The following PTPRT variants were observed in gnomAD, a reference collection of about 807,000 sequenced individuals.
The protein encoded by PTPRT is receptor-type tyrosine-protein phosphatase T.
A neutral mutation model predicts 176.8 loss-of-function variants in PTPRT; 56 were observed. The ratio of observed to expected loss-of-function variants is 0.32; its 90% confidence interval spans 0.26 to 0.40. The LOEUF (loss-of-function observed/expected upper bound fraction) is 0.40. Among genes scored for constraint, PTPRT ranks in the 10% least tolerant of loss-of-function variants. PTPRT has a pLI of 1.00. For synonymous variants in PTPRT, 783 were observed against 739.0 expected (o/e 1.06, Z -0.96); for missense variants, 1,540 against 1,908.2 (o/e 0.81, Z 3.60).
chr20:42,768,422 G>A (rs907853965), intron 5 of PTPRT, among the ~76,000 whole-genome samples: 1 of 151,418 alleles, frequency 6.6e-6, no homozygotes, highest in East Asian at 1.9e-4. Flanking sequence ...GGGGAACATT[G>A]TTCATTGCAT....
At chr20:42,295,011 T>C (rs1296075534) in intron 12 of PTPRT, among the ~76,000 whole-genome samples, 2 of 151,984 alleles carry the variant, frequency 1.3e-5, no homozygotes, top group Non-Finnish European at 2.9e-5. Context: ...CCAACATATA[T>C]ATAGTGAAAT....
chr20:43,009,854 C>T (rs1006048219), intron 1 of PTPRT, among the ~76,000 whole-genome samples: 7 of 152,076 alleles, frequency 4.6e-5, no homozygotes, highest in Non-Finnish European at 7.4e-5. Context: ...CAGGTTTAGT[C>T]GAGCGGAGCA....
At chr20:42,402,405 C>A (rs2058917302) in intron 9 of PTPRT, among the ~76,000 whole-genome samples, 1 of 142,606 alleles carries the variant, frequency 7.0e-6, no homozygotes, top group Non-Finnish European at 1.5e-5. Flanking sequence ...GCAACCAACA[C>A]ATTTGTGAAA....
intron 7 of PTPRT, among the ~76,000 whole-genome samples, chr20:42,596,146 A>G (rs1221225577): frequency 6.6e-6 from 1 of 152,166 alleles, no homozygotes; most frequent in Non-Finnish European, 1.5e-5. Flanking sequence ...CAAGGCCCAG[A>G]GTGTCCAGTG....
intron 1 of PTPRT, among the ~76,000 whole-genome samples, chr20:42,892,522 AAAAGGTGGAAAAT>A (rs983745539): frequency 6.6e-6 from 1 of 152,202 alleles, no homozygotes; most frequent in African/African-American, 2.4e-5. Flanking sequence ...CTAAACCTAA[AAAAGGTGGAAAAT>A]TGCCTTTACT....
At chr20:43,132,224 C>T (rs548661969) in intron 1 of PTPRT, among the ~76,000 whole-genome samples, 1 of 152,202 alleles carries the variant, frequency 6.6e-6, no homozygotes, top group East Asian at 1.9e-4. Flanking sequence ...ACTATCTTTA[C>T]ATGTAGATCC....
chr20:42,698,288 T>G (rs75770676), intron 6 of PTPRT, among the ~76,000 whole-genome samples: 1,591 of 152,258 alleles, frequency 0.01, 30 homozygotes, highest in African/African-American at 0.037. Context: ...AGTAACCAGT[T>G]CCTTTACAGA....
At chr20:42,389,330 C>T (rs1311594724) in intron 9 of PTPRT, among the ~76,000 whole-genome samples, 4 of 151,972 alleles carry the variant, frequency 2.6e-5, no homozygotes, top group East Asian at 3.9e-4. Flanking sequence ...AAATTAGGTC[C>T]TCCACGATTT....
intron 6 of PTPRT, among the ~76,000 whole-genome samples, chr20:42,679,172 C>A (rs1385954832): frequency 6.6e-6 from 1 of 152,158 alleles, no homozygotes; most frequent in Non-Finnish European, 1.5e-5. Context: ...CTCTTCCTTG[C>A]AATTATTAGC....
At chr20:42,383,200 A>G (rs1180569672) in intron 9 of PTPRT, among the ~76,000 whole-genome samples, 2 of 152,200 alleles carry the variant, frequency 1.3e-5, no homozygotes, top group East Asian at 1.9e-4. Context: ...GACTTCTGAA[A>G]TTATAGTTAC....
At position 42,342,613 on chromosome 20, in the gene PTPRT, T is replaced by C. The variant is rs78696393; in HGVS notation, c.1865+8015A>G. On this transcript the variant is annotated intron_variant, in intron 11 of 30. Transcript: ENST00000373187. ...CTCACAAACTCCTCAGGCTGCCCTG[T>C]GTCAATAAATCCTCTAAATGTTCGT... Among the ~76,000 whole-genome samples the C allele has an allele frequency of 5.7e-3, 869 of 152,346 alleles. 8 individuals carry two copies. Among genetic ancestry groups the C allele is most frequent in the African/African-American group, 0.02 (837 of 41,574 alleles).
chr20:42,803,727 T>C (rs916297003), intron 2 of PTPRT, among the ~76,000 whole-genome samples: 19 of 152,208 alleles, frequency 1.2e-4, no homozygotes, highest in African/African-American at 4.6e-4. Context: ...CTAATTTTTG[T>C]ATTTTTAGTA....
chr20:42,315,312 T>G (rs924279482), intron 12 of PTPRT, among the ~76,000 whole-genome samples: 3 of 151,946 alleles, frequency 2.0e-5, no homozygotes, highest in Non-Finnish European at 4.4e-5. Flanking sequence ...AAACCATGAT[T>G]AGTGCATTCC....
At chr20:42,122,235 G>GAT (rs1218256063) in intron 19 of PTPRT, among the ~76,000 whole-genome samples, 1 of 152,146 alleles carries the variant, frequency 6.6e-6, no homozygotes, top group Non-Finnish European at 1.5e-5. Flanking sequence ...TAAATGAGTT[G>GAT]ATATATAACA....
the PTPRT span, among the ~76,000 whole-genome samples, chr20:42,032,159 G>A: frequency 2.0e-5 from 3 of 152,130 alleles, no homozygotes; most frequent in Admixed American, 1.3e-4. Context: ...TGGAAAAAGA[G>A]AGAGAGAGAG....
intron 6 of PTPRT, among the ~76,000 whole-genome samples, chr20:42,724,510 T>G (rs542191592): frequency 3.9e-5 from 6 of 152,244 alleles, no homozygotes; most frequent in Non-Finnish European, 8.8e-5. Context: ...TTAGTTTTCA[T>G]ACTTAGTTTC....
intron 17 of PTPRT, among the ~76,000 whole-genome samples, chr20:42,149,284 C>T (rs1177247550): frequency 6.6e-6 from 1 of 152,108 alleles, no homozygotes; most frequent in Non-Finnish European, 1.5e-5. Context: ...AAGGGAGGCT[C>T]TCCAGAGCAG....
chr20:42,840,620 C>T (rs1280846477), intron 2 of PTPRT, among the ~76,000 whole-genome samples: 1 of 152,120 alleles, frequency 6.6e-6, no homozygotes, highest in Non-Finnish European at 1.5e-5. Context: ...ACCATGTTGG[C>T]CAGGCTGGTC....
At chr20:42,287,562 T>A (rs2057250808) in intron 12 of PTPRT, among the ~76,000 whole-genome samples, 1 of 151,754 alleles carries the variant, frequency 6.6e-6, no homozygotes, top group Non-Finnish European at 1.5e-5. Context: ...AGGAAGCAGA[T>A]ACTAGAGGTT....
Sources: allele counts gnomAD v4.1 joint callset (sites outside exome capture counted in the v4.1 genomes callset), GRCh38; gene constraint gnomAD v4.1.1; transcripts MANE v1.5; gene names NCBI Gene and HGNC (gene_info 2026-07-23, HGNC 2026-07-21).